The following STRIP2 variants were observed in gnomAD, a reference collection of about 807,000 sequenced individuals.
STRIP2 encodes striatin-interacting protein 2.
Under a neutral mutation model 107.1 loss-of-function variants are expected in STRIP2, and 84 were observed. The ratio of observed to expected loss-of-function variants is 0.78; its 90% confidence interval spans 0.66 to 0.94. The LOEUF is 0.94. Ranked by LOEUF, STRIP2 falls within the 40% of genes least tolerant of loss-of-function variation. The pLI is 0.00. For synonymous variants in STRIP2, 394 were observed against 400.4 expected, an observed-to-expected ratio of 0.98 and a Z score of 0.19; for missense variants, 888 against 1,034.2, an observed-to-expected ratio of 0.86 and a Z score of 1.94.
intron 19 of STRIP2, among the ~76,000 whole-genome samples, 160 bp from the exon 20 acceptor site, chr7:129,482,682 T>A (rs1799157373): frequency 1.3e-5 from 2 of 151,976 alleles, no homozygotes; most frequent in Admixed American, 1.3e-4. Context: ...CCAGCCCCCC[T>A]CTATATTCTT....
chr7:129,439,540 T>C (rs1373504511), intron 1 of STRIP2, among the ~76,000 whole-genome samples: 1 of 152,180 alleles, frequency 6.6e-6, no homozygotes, highest in Non-Finnish European at 1.5e-5. Flanking sequence ...TTGACAATCC[T>C]AAAGTTGCAG....
chr7:129,444,005 T>C lies in STRIP2; in HGVS notation c.200-19T>C. On this transcript the variant is annotated intron_variant, in intron 2 of 20. Transcript: ENST00000249344. ...TTAAGGATCTCCCGAATGTGACTGT[T>C]CTGTCTTTCCTGCCACAGAATTGTA... 6.9e-6 allele frequency: 11 copies of C among 1,603,202 alleles called. No homozygotes were observed. Among genetic ancestry groups the C allele is most frequent in the Non-Finnish European group, 8.5e-6 (10 of 1,170,134 alleles).
At chr7:129,438,037 C>T (rs1162425893) in intron 1 of STRIP2, among the ~76,000 whole-genome samples, 1 of 152,188 alleles carries the variant, frequency 6.6e-6, no homozygotes, top group Non-Finnish European at 1.5e-5. Context: ...GATCTCCTGA[C>T]CTCGTAATCC....
rs182998822 is a variant in STRIP2, at chr7:129,457,726, A to G, written c.1039-489A>G. On this transcript the variant is annotated intron_variant, in intron 9 of 20. Coordinates refer to ENST00000249344, the MANE Select transcript of STRIP2 (RefSeq NM_020704.3). ...AATCACCCACAATCTTAACAACCAGAGACAGTCACTGTTAACTTTTTGGCC... is the reference window on the plus strand; with the variant it reads ...AATCACCCACAATCTTAACAACCAGGGACAGTCACTGTTAACTTTTTGGCC... Among the ~76,000 whole-genome samples the G allele has an allele frequency of 2.8e-4, 42 of 152,340 alleles. 1 individual carries two copies. In the East Asian group the frequency reaches 6.4e-3, roughly 23 times the overall value.
chr7:129,463,232 CCTT>C (rs1238499678), intron 14 of STRIP2, among the ~76,000 whole-genome samples, 192 bp downstream of exon 14: 5 of 152,164 alleles, frequency 3.3e-5, no homozygotes, highest in African/African-American at 1.2e-4. Flanking sequence ...TCTCCCTAGT[CCTT>C]CTTTGGGAAG....
At chr7:129,476,069 G>A (rs565830687) in intron 18 of STRIP2, among the ~76,000 whole-genome samples, 5 of 152,230 alleles carry the variant, frequency 3.3e-5, no homozygotes, top group Admixed American at 6.5e-5. Context: ...CTCCCAATGA[G>A]CTGTTGGGTA....
chr7:129,457,271 A>T (rs959833415), intron 9 of STRIP2, among the ~76,000 whole-genome samples: 1 of 152,246 alleles, frequency 6.6e-6, no homozygotes. Context: ...CATATAGCCT[A>T]TTGTTCCTAG....
At chr7:129,456,146 T>C (rs964105768) in intron 8 of STRIP2, among the ~76,000 whole-genome samples, 2 of 108,076 alleles carry the variant, frequency 1.9e-5, no homozygotes, top group Non-Finnish European at 4.6e-5. Context: ...AGTTTCTTTT[T>C]TTTCTTTTTT....
chr7:129,439,896 C>G (rs543840232), intron 1 of STRIP2, 126 bp from the exon 2 acceptor site: 19 of 747,378 alleles, frequency 2.5e-5, no homozygotes, highest in Non-Finnish European at 3.5e-5. Flanking sequence ...ATAGGACTCT[C>G]CTAACTGTCT....
chr7:129,463,739 C>T (rs1301089756), intron 14 of STRIP2, among the ~76,000 whole-genome samples: 1 of 152,206 alleles, frequency 6.6e-6, no homozygotes, highest in Admixed American at 6.5e-5. Context: ...AAGTGATCTG[C>T]CTGTCTCGGC....
chr7:129,444,845 A>G (rs1457993783), intron 3 of STRIP2, among the ~76,000 whole-genome samples: 1 of 152,224 alleles, frequency 6.6e-6, no homozygotes, highest in Non-Finnish European at 1.5e-5. Context: ...AAATGCTGAT[A>G]TGAAGTCAAT....
chr7:129,458,050 G>C lies in STRIP2; in HGVS notation c.1039-165G>C, dbSNP rs528908860. On this transcript the variant is annotated intron_variant, in intron 9 of 20. Transcript: ENST00000249344. This position sits in a 1 kb window ranked among gnomAD's most constrained non-coding sequence, Gnocchi z 4.6. Reference sequence around the variant, plus strand: ...GAACTTCTTGTCCTGTTATTGGGCCGGGTGGGGACAGTAGGTTAAGGTGGG... The same window carrying C: ...GAACTTCTTGTCCTGTTATTGGGCCCGGTGGGGACAGTAGGTTAAGGTGGG... The C allele has an allele frequency of 1.5e-6, 1 of 681,792 alleles. No homozygotes were observed. The highest frequency in any genetic ancestry group is 2.7e-6 in the Non-Finnish European group (1 of 372,572). The allele number at this position is 681,792 out of a possible 1,614,324, so 42.2% of individuals were successfully genotyped here.
chr7:129,453,512 C>T (rs1436071775), intron 5 of STRIP2, among the ~76,000 whole-genome samples, 165 bp downstream of exon 5: 1 of 152,162 alleles, frequency 6.6e-6, no homozygotes, highest in African/African-American at 2.4e-5. Flanking sequence ...CAGCCATGTT[C>T]TCTGATATTC....
rs377126192 is a variant in STRIP2 at position 129,482,987 on chromosome 7, T to C, written c.2195T>C (p.Met732Thr). ...RQWRKSNMKT[M>T]SAIYQKVRHR... is the part of the protein sequence containing the mutation. ...TGGAGGAAAAGCAACATGAAAACCA[T>C]GTCAGCCATTTACCAGAAAGTGCGT... Residue 732 changes from methionine (M) to threonine (T), a missense_variant, in exon 20 of 21, where the codon ATG becomes ACG. Transcript: ENST00000249344. The C allele has an allele frequency of 9.9e-6, 16 of 1,614,090 alleles. No individual in the cohort carries two copies. Among genetic ancestry groups the C allele is most frequent in the African/African-American group, 1.3e-5 (1 of 74,940 alleles).
At chr7:129,437,931 G>A (rs1394379849) in intron 1 of STRIP2, among the ~76,000 whole-genome samples, 2 of 150,656 alleles carry the variant, frequency 1.3e-5, no homozygotes, top group African/African-American at 2.4e-5. Flanking sequence ...TCAGCCTCCC[G>A]AGTAGCTGGG....
Position 129,485,948 on chromosome 7 carries a change from C to A in STRIP2, c.*119C>A. The A allele has an allele frequency of 1.7e-6, 2 of 1,172,970 alleles. No individual in the cohort carries two copies. The highest frequency in any genetic ancestry group is 2.4e-6 in the Non-Finnish European group (2 of 827,738). 72.7% of individuals were successfully genotyped at this position (1,172,970 alleles called of 1,614,324 possible). On this transcript the variant is annotated 3_prime_UTR_variant, in exon 21 of 21. Coordinates refer to ENST00000249344, the MANE Select transcript of STRIP2 (RefSeq NM_020704.3). ...AGGGCTCTTCTGGGGGCTCTTGGGC[C>A]TAAAGATGGTGCAAGGGTGGGATCC...
At chr7:129,436,370 T>G (rs1229588157) in intron 1 of STRIP2, among the ~76,000 whole-genome samples, 3 of 152,224 alleles carry the variant, frequency 2.0e-5, no homozygotes, top group Non-Finnish European at 2.9e-5. Flanking sequence ...CTGTCAAGTC[T>G]TCTTCAGGCA....
intron 17 of STRIP2, 66 bp downstream of exon 17, chr7:129,467,516 T>C: frequency 8.7e-7 from 1 of 1,154,122 alleles, no homozygotes; most frequent in South Asian, 1.3e-5. Context: ...TTACATCATC[T>C]CGGAGCCTTT....
chr7:129,443,529 T>G (rs957433107), intron 2 of STRIP2, among the ~76,000 whole-genome samples: 3 of 152,184 alleles, frequency 2.0e-5, no homozygotes, highest in Admixed American at 6.5e-5. Context: ...TGAGGAAACT[T>G]AGCAGGGAGA....
Sources: gnomAD v4.1 joint callset for allele counts (sites outside exome capture counted in the v4.1 genomes callset) on GRCh38, gnomAD v4.1.1 for gene constraint, Gnocchi (gnomAD v3.1) non-coding constraint, MANE v1.5 for transcripts, NCBI Gene and HGNC (gene_info 2026-07-23, HGNC 2026-07-21) for gene names.